The following FBXL7 variants were observed in gnomAD, a reference collection of about 807,000 sequenced individuals.
FBXL7 encodes F-box and leucine rich repeat protein 7.
Under a neutral mutation model 38.3 loss-of-function variants are expected in FBXL7, and 12 were observed. The ratio of observed to expected loss-of-function variants is 0.31; its 90% CI spans 0.20 to 0.51. The LOEUF (loss-of-function observed/expected upper bound fraction) is 0.51. Ranked by LOEUF, FBXL7 falls within the 20% of genes least tolerant of loss-of-function variation. The pLI, the probability that FBXL7 is intolerant of heterozygous loss-of-function variation, is 0.98. For missense variants in FBXL7, 567 were observed against 676.4 expected (o/e 0.84, Z 1.79); for synonymous variants, 297 against 300.9 (o/e 0.99, Z 0.13).
At chr5:15,505,562 ATGG>A (rs1371067225) in intron 1 of FBXL7, among the ~76,000 whole-genome samples, 1 of 152,176 alleles carries the variant, frequency 6.6e-6, no homozygotes, top group Non-Finnish European at 1.5e-5. Context: ...GGGAACTAGA[ATGG>A]TGAACACCCA....
At chr5:15,825,731 T>C (rs1319760918) in intron 2 of FBXL7, among the ~76,000 whole-genome samples, 1 of 152,192 alleles carries the variant, frequency 6.6e-6, no homozygotes, top group Non-Finnish European at 1.5e-5. Context: ...CTATCCCTGT[T>C]CTCATATGGT....
intron 3 of FBXL7, among the ~76,000 whole-genome samples, chr5:15,933,137 C>T (rs1742084779): frequency 6.6e-6 from 1 of 152,132 alleles, no homozygotes; most frequent in South Asian, 2.1e-4. Flanking sequence ...AGCCATGAAC[C>T]AATTTACTTT....
rs72745674 is a variant in FBXL7, at chr5:15,654,441, T to A, written c.127+38369T>A. Among the ~76,000 whole-genome samples the A allele has an allele frequency of 5.9e-3, 854 of 145,248 alleles. 7 individuals are homozygous for A. The highest frequency in any genetic ancestry group is 0.011 in the Non-Finnish European group (722 of 65,934). ...CTGAAAAAAAAAAAAAAGGCAAAACTGTTTTTTCTAACAATCTACTTACCA... is the reference window on the plus strand; with the variant it reads ...CTGAAAAAAAAAAAAAAGGCAAAACAGTTTTTTCTAACAATCTACTTACCA... On this transcript the variant is annotated intron_variant, in intron 2 of 3. Coordinates refer to ENST00000504595, the MANE Select transcript of FBXL7 (RefSeq NM_012304.5).
chr5:15,540,894 G>T (rs1737721317), intron 1 of FBXL7, among the ~76,000 whole-genome samples: 1 of 152,080 alleles, frequency 6.6e-6, no homozygotes, highest in Non-Finnish European at 1.5e-5. Context: ...CCCATCTCCT[G>T]ATAGTATCAC....
chr5:15,870,490 G>C (rs1049647320), intron 2 of FBXL7, among the ~76,000 whole-genome samples: 1 of 152,166 alleles, frequency 6.6e-6, no homozygotes, highest in African/African-American at 2.4e-5. Flanking sequence ...GATACACCTG[G>C]AAGGAAGGAA....
chr5:15,578,930 TTA>T (rs1349856888), intron 1 of FBXL7, among the ~76,000 whole-genome samples: 2 of 152,222 alleles, frequency 1.3e-5, no homozygotes, highest in African/African-American at 4.8e-5. Context: ...TTGGACTGTT[TTA>T]GTCTTTCATG....
intron 2 of FBXL7, among the ~76,000 whole-genome samples, chr5:15,855,255 T>C (rs1283885553): frequency 6.6e-6 from 1 of 152,164 alleles, no homozygotes; most frequent in Non-Finnish European, 1.5e-5. Flanking sequence ...ATGTGTAAAA[T>C]ATAAAAAAGC....
At chr5:15,519,582 C>A (rs568434852) in intron 1 of FBXL7, among the ~76,000 whole-genome samples, 1 of 152,226 alleles carries the variant, frequency 6.6e-6, no homozygotes, top group South Asian at 2.1e-4. Flanking sequence ...TTGGAGAATC[C>A]CTTCAGATCA....
chr5:15,739,773 T>A (rs1735847393), intron 2 of FBXL7, among the ~76,000 whole-genome samples: 1 of 152,238 alleles, frequency 6.6e-6, no homozygotes. Flanking sequence ...TACCCATTAA[T>A]CAGTTGGTAG....
At chr5:15,877,626 G>A (rs2126314506) in intron 2 of FBXL7, among the ~76,000 whole-genome samples, 1 of 152,198 alleles carries the variant, frequency 6.6e-6, no homozygotes, top group South Asian at 2.1e-4. Context: ...GGTAGCAAAA[G>A]ACAGATTCTG....
intron 1 of FBXL7, among the ~76,000 whole-genome samples, chr5:15,529,412 GTCTC>G (rs1480920762): frequency 1.3e-5 from 2 of 151,166 alleles, no homozygotes; most frequent in Non-Finnish European, 2.9e-5. Context: ...TTAAGACAGA[GTCTC>G]TCTCAGTCTC....
At chr5:15,579,586 C>T (rs534536838) in intron 1 of FBXL7, among the ~76,000 whole-genome samples, 1 of 152,314 alleles carries the variant, frequency 6.6e-6, no homozygotes, top group African/African-American at 2.4e-5. Flanking sequence ...TGTGTGGCAG[C>T]ATGTTCTAGT....
intron 2 of FBXL7, among the ~76,000 whole-genome samples, chr5:15,906,453 T>A (rs1364745563): frequency 2.3e-4 from 34 of 148,172 alleles, no homozygotes; most frequent in African/African-American, 8.5e-4. Context: ...TTTTTTTTTT[T>A]TTATGTAACA....
At chr5:15,915,367 CT>C (rs1741557610) in intron 2 of FBXL7, among the ~76,000 whole-genome samples, 1 of 152,202 alleles carries the variant, frequency 6.6e-6, no homozygotes, top group African/African-American at 2.4e-5. Context: ...AGGATCCTTT[CT>C]TGCTTCTTGC....
At chr5:15,609,287 G>C (rs1305346335) in intron 1 of FBXL7, among the ~76,000 whole-genome samples, 1 of 152,156 alleles carries the variant, frequency 6.6e-6, no homozygotes, top group Non-Finnish European at 1.5e-5. Flanking sequence ...AGAGCCACCT[G>C]AAGGGCAGGT....
At chr5:15,625,381 C>T (rs1182851351) in intron 2 of FBXL7, among the ~76,000 whole-genome samples, 3 of 152,054 alleles carry the variant, frequency 2.0e-5, no homozygotes, top group East Asian at 1.9e-4. Context: ...AGGCTGGGCA[C>T]GGTGGGTCAC....
At chr5:15,724,634 A>C (rs1377583527) in intron 2 of FBXL7, among the ~76,000 whole-genome samples, 1 of 152,212 alleles carries the variant, frequency 6.6e-6, no homozygotes, top group Non-Finnish European at 1.5e-5. Flanking sequence ...TTTGCTGAGC[A>C]TAATGCTGTT....
chr5:15,546,284 T>C (rs556780050), intron 1 of FBXL7, among the ~76,000 whole-genome samples: 18 of 149,036 alleles, frequency 1.2e-4, no homozygotes, highest in Non-Finnish European at 2.2e-4. Flanking sequence ...ACAGAAGTTA[T>C]GGCCAGGCAC....
chr5:15,892,127 C>A (rs1434880367), intron 2 of FBXL7, among the ~76,000 whole-genome samples: 1 of 152,208 alleles, frequency 6.6e-6, no homozygotes, highest in African/African-American at 2.4e-5. Context: ...GCGCAGAGCA[C>A]AGAGAAAGCC....
Sources: allele counts gnomAD v4.1 joint callset (sites outside exome capture counted in the v4.1 genomes callset), GRCh38; gene constraint gnomAD v4.1.1; transcripts MANE v1.5; gene names NCBI Gene and HGNC (gene_info 2026-07-23, HGNC 2026-07-21).